CDH12: variants seen among roughly 807,000 people sequenced by gnomAD.
The protein encoded by CDH12 is cadherin-12.
A neutral mutation model predicts 74.1 loss-of-function variants in CDH12; 41 were observed. The observed-to-expected ratio is 0.55, with a 90% CI of 0.43 to 0.72. The LOEUF is 0.72. CDH12 is among the 30% of genes least tolerant of loss of function. CDH12 has a pLI of 0.00. For missense variants in CDH12, 945 were observed against 977.2 expected (o/e 0.97, Z 0.44); for synonymous variants, 399 against 355.0 (o/e 1.12, Z -1.39).
At chr5:22,342,641 TTTC>T (rs1290267896) in intron 3 of CDH12, among the ~76,000 whole-genome samples, 163 of 129,148 alleles carry the variant, frequency 1.3e-3, no homozygotes, top group Non-Finnish European at 2.1e-3. Flanking sequence ...TTTCTTTCTC[TTTC>T]TTATTTTTCT....
chr5:22,696,849 G>A (rs1367363608), intron 1 of CDH12, among the ~76,000 whole-genome samples: 3 of 152,002 alleles, frequency 2.0e-5, no homozygotes, highest in South Asian at 2.1e-4. Flanking sequence ...GCAAGGCTGG[G>A]ATGCCTGGAA....
chr5:21,810,590 T>C (rs1158481818), intron 9 of CDH12, among the ~76,000 whole-genome samples: 1 of 152,128 alleles, frequency 6.6e-6, no homozygotes, highest in African/African-American at 2.4e-5. Context: ...CATGTGCAGT[T>C]AGAATTGTCT....
At chr5:22,791,147 T>C (rs1747885202) in intron 1 of CDH12, among the ~76,000 whole-genome samples, 1 of 152,168 alleles carries the variant, frequency 6.6e-6, no homozygotes, top group Non-Finnish European at 1.5e-5. Flanking sequence ...GGAAACAATA[T>C]ATATCAATTA....
rs371935257 is a variant in CDH12, at chr5:22,408,649, T to C, written c.-427-3298A>G. 2.0e-4 allele frequency among the ~76,000 whole-genome samples: 30 copies of C among 151,166 alleles called. 1 individual carries two copies. In the South Asian group the frequency reaches 6.2e-3, roughly 31 times the overall value. On this transcript the variant is annotated intron_variant, in intron 2 of 14. Transcript: ENST00000382254. ...ATATAGTACACATGCATTATATTAA[T>C]ATATTAATTGCATATGCATTATGTG...
At chr5:22,168,159 A>T (rs1461191383) in intron 4 of CDH12, among the ~76,000 whole-genome samples, 1 of 152,108 alleles carries the variant, frequency 6.6e-6, no homozygotes, top group Non-Finnish European at 1.5e-5. Context: ...CTAGCTGAGC[A>T]TGCCTCCTAA....
At chr5:22,360,109 A>G (rs1472254733) in intron 3 of CDH12, among the ~76,000 whole-genome samples, 10 of 152,106 alleles carry the variant, frequency 6.6e-5, no homozygotes, top group Non-Finnish European at 1.2e-4. Flanking sequence ...ATAGAGACAC[A>G]AAAAAACCTT....
At chr5:22,154,041 A>G (rs1326503713) in intron 4 of CDH12, among the ~76,000 whole-genome samples, 1 of 149,524 alleles carries the variant, frequency 6.7e-6, no homozygotes, top group Non-Finnish European at 1.5e-5. Context: ...TCGTCTGGCC[A>G]ATTATTATTA....
At chr5:22,483,717 G>A (rs1394329649) in intron 2 of CDH12, among the ~76,000 whole-genome samples, 1 of 62,738 alleles carries the variant, frequency 1.6e-5, no homozygotes, top group East Asian at 3.8e-4. Context: ...ACCAGGTTGG[G>A]CAACATAGCA....
chr5:22,724,895 TA>T (rs1326154855), intron 1 of CDH12, among the ~76,000 whole-genome samples: 6 of 151,722 alleles, frequency 4.0e-5, no homozygotes, highest in African/African-American at 1.2e-4. Flanking sequence ...CTATATAAAT[TA>T]AAAAAATAGT....
At chr5:22,159,081 T>C (rs1748182936) in intron 4 of CDH12, among the ~76,000 whole-genome samples, 2 of 152,216 alleles carry the variant, frequency 1.3e-5, no homozygotes, top group East Asian at 1.9e-4. Flanking sequence ...GAGTAGACTT[T>C]ATAGCAGTGG....
intron 2 of CDH12, among the ~76,000 whole-genome samples, chr5:22,454,189 A>G (rs1185603451): frequency 6.6e-6 from 1 of 152,206 alleles, no homozygotes; most frequent in Non-Finnish European, 1.5e-5. Flanking sequence ...TTAGAAATCA[A>G]AAATCTTCAT....
At chr5:21,973,531 C>G (rs1414212357) in intron 6 of CDH12, among the ~76,000 whole-genome samples, 1 of 152,166 alleles carries the variant, frequency 6.6e-6, no homozygotes, top group African/African-American at 2.4e-5. Flanking sequence ...ATAGTTGGCA[C>G]AAGAAAAATC....
At chr5:22,445,395 C>T (rs1330550862) in intron 2 of CDH12, among the ~76,000 whole-genome samples, 2 of 152,046 alleles carry the variant, frequency 1.3e-5, no homozygotes, top group Non-Finnish European at 2.9e-5. Flanking sequence ...GCCCACCTCC[C>T]ATATTGCCAA....
At chr5:21,920,521 C>A (rs1754301490) in intron 6 of CDH12, among the ~76,000 whole-genome samples, 1 of 151,872 alleles carries the variant, frequency 6.6e-6, no homozygotes, top group African/African-American at 2.4e-5. Flanking sequence ...CACACCGGGG[C>A]CTGTCAGGGT....
intron 8 of CDH12, among the ~76,000 whole-genome samples, chr5:21,817,902 C>T (rs1400035239): frequency 2.0e-5 from 3 of 151,744 alleles, no homozygotes; most frequent in Non-Finnish European, 4.4e-5. Context: ...ATCAGCAAAA[C>T]TTAGATAAAA....
intron 4 of CDH12, among the ~76,000 whole-genome samples, chr5:22,173,337 T>C (rs1749146618): frequency 6.8e-6 from 1 of 146,806 alleles, no homozygotes; most frequent in South Asian, 2.1e-4. Flanking sequence ...ATAATTTATA[T>C]AATATAATTT....
At chr5:22,659,206 A>G (rs2126895243) in intron 1 of CDH12, among the ~76,000 whole-genome samples, 1 of 152,236 alleles carries the variant, frequency 6.6e-6, no homozygotes, top group Non-Finnish European at 1.5e-5. Context: ...TTTGAAGTAG[A>G]AGTTTGATAG....
At chr5:22,428,047 A>G (rs1280191670) in intron 2 of CDH12, among the ~76,000 whole-genome samples, 1 of 152,146 alleles carries the variant, frequency 6.6e-6, no homozygotes, top group Non-Finnish European at 1.5e-5. Context: ...GTTATTCTTT[A>G]TTTTATAGCC....
At chr5:22,430,502 T>G (rs1360778717) in intron 2 of CDH12, among the ~76,000 whole-genome samples, 2 of 152,200 alleles carry the variant, frequency 1.3e-5, no homozygotes, top group Non-Finnish European at 2.9e-5. Context: ...GGAAAAAATT[T>G]TAAACTCTAA....
Sources: allele counts gnomAD v4.1 joint callset (sites outside exome capture counted in the v4.1 genomes callset), GRCh38; gene constraint gnomAD v4.1.1; transcripts MANE v1.5; gene names NCBI Gene and HGNC (gene_info 2026-07-23, HGNC 2026-07-21).